Variants in STAT4 observed in about 807,000 individuals in gnomAD.
The protein encoded by STAT4 is signal transducer and activator of transcription 4.
Under a neutral mutation model 110.5 loss-of-function variants are expected in STAT4, and 42 were observed. That is an observed-to-expected ratio of 0.38 (90% CI 0.30 to 0.49). STAT4 has a LOEUF of 0.49. STAT4 is among the 20% of genes least tolerant of loss of function. The pLI, the probability that STAT4 is intolerant of heterozygous loss-of-function variation, is 0.95. For missense variants in STAT4, 632 were observed against 887.9 expected (o/e 0.71, Z 3.66); for synonymous variants, 284 against 302.2 (o/e 0.94, Z 0.63).
In STAT4 at chr2:191,066,201, A is replaced by G. The variant is rs149379362; in HGVS notation, c.630+229T>C. Among the ~76,000 whole-genome samples, 1,701 of 152,352 alleles carry G rather than the reference A, an allele frequency of 0.011. 76 individuals are homozygous for G. Among genetic ancestry groups the G allele is most frequent in the Admixed American group, 0.085 (1,299 of 15,292 alleles). On this transcript the variant is annotated intron_variant, in intron 7 of 23. Transcript: ENST00000392320. This position sits in a 1 kb window ranked among gnomAD's most constrained non-coding sequence, Gnocchi z 4.3. Reference sequence around the variant, plus strand: ...CCACCTTGAAATTAATGTTAGCTACAGTAAATGTATCACATAAGCAAGATA... The same window carrying G: ...CCACCTTGAAATTAATGTTAGCTACGGTAAATGTATCACATAAGCAAGATA...
chr2:191,043,796 A>G lies in STAT4; in HGVS notation c.1252-2648T>C, dbSNP rs1194235263. 6.6e-6 allele frequency among the ~76,000 whole-genome samples: 1 copy of G among 152,230 alleles called. No homozygotes were observed. The highest frequency in any genetic ancestry group is 1.5e-5 in the Non-Finnish European group (1 of 68,038). On this transcript the variant is annotated intron_variant, in intron 14 of 23. Coordinates refer to ENST00000392320, the MANE Select transcript of STAT4 (RefSeq NM_003151.4). This position sits in a 1 kb window ranked among gnomAD's most constrained non-coding sequence, Gnocchi z 4.8. ...CACAGCAACATGAATCAACGTAGGA[A>G]TGAGTCTCAGAAAATATTTTGTTGA...
At chr2:191,069,486 T>C (rs1336079956) in intron 6 of STAT4, among the ~76,000 whole-genome samples, 1 of 152,068 alleles carries the variant, frequency 6.6e-6, no homozygotes, top group African/African-American at 2.4e-5. Context: ...TGGTTGGATA[T>C]AGATGGGTAC....
At chr2:191,125,368 T>TG (rs967688403) in intron 3 of STAT4, among the ~76,000 whole-genome samples, 3 of 152,128 alleles carry the variant, frequency 2.0e-5, no homozygotes, top group Non-Finnish European at 4.4e-5. Flanking sequence ...AAAAGCCCAC[T>TG]GGAGGTGAGA....
intron 18 of STAT4, 51 bp from the exon 19 acceptor site, chr2:191,034,056 T>A (rs1236960277): frequency 8.1e-7 from 1 of 1,234,868 alleles, no homozygotes; most frequent in Non-Finnish European, 1.2e-6. Context: ...AGTAATAATG[T>A]TGATATAATA....
chr2:191,120,043 G>A (rs1445708685), intron 3 of STAT4, among the ~76,000 whole-genome samples: 1 of 152,032 alleles, frequency 6.6e-6, no homozygotes, highest in African/African-American at 2.4e-5. Flanking sequence ...GATATAAAAG[G>A]CATCCAATGG....
chr2:191,090,164 G>C lies in STAT4; in HGVS notation c.274-13839C>G, dbSNP rs1697751241. On this transcript the variant is annotated intron_variant, in intron 3 of 23. Transcript: ENST00000392320. This position sits in a 1 kb window ranked among gnomAD's most constrained non-coding sequence, Gnocchi z 4.2. ...GGGGTGTGAGAAGGAGACTAAGGGA[G>C]TATATGGGAAAGTATTCTCTGTACT... Among the ~76,000 whole-genome samples the C allele has an allele frequency of 6.6e-6, 1 of 152,068 alleles. No individual in the cohort carries two copies. The highest frequency in any genetic ancestry group is 2.4e-5 in the African/African-American group (1 of 41,430).
intron 3 of STAT4, among the ~76,000 whole-genome samples, chr2:191,079,835 C>T (rs1290637484): frequency 1.3e-5 from 2 of 151,960 alleles, no homozygotes; most frequent in Non-Finnish European, 2.9e-5. Flanking sequence ...TTTGTTGAGA[C>T]TTGTTTTATG....
intron 3 of STAT4, among the ~76,000 whole-genome samples, chr2:191,125,476 T>TTATTATTATTATTATTATTATTATTA: frequency 7.2e-6 from 1 of 138,002 alleles, no homozygotes; most frequent in South Asian, 2.5e-4. Context: ...ATCCTCATTA[T>TTATTATTATTATTATTATTATTATTA]TTATTATTAT....
Position 191,051,043 on chromosome 2 carries a change from GGT to G in STAT4, c.1251+3445_1251+3446del, listed in dbSNP as rs1277266276. Among the ~76,000 whole-genome samples, 4 of 152,106 alleles carry G rather than the reference GGT, an allele frequency of 2.6e-5. No homozygotes were observed. In the East Asian group the frequency reaches 7.7e-4, roughly 29 times the overall value. ...ACCCAAAATTGTGTGTGTGCGTGTG[GGT>G]GTGTGTGTGATGGAGGTGAAGAGCA... On this transcript the variant is annotated intron_variant, in intron 14 of 23. Transcript: ENST00000392320. This position sits in a 1 kb window ranked among gnomAD's most constrained non-coding sequence, Gnocchi z 5.6.
At position 191,046,788 on chromosome 2, in the gene STAT4, T is replaced by C. The variant is rs1214726343; in HGVS notation, c.1252-5640A>G. Among the ~76,000 whole-genome samples the C allele has an allele frequency of 6.6e-6, 1 of 152,218 alleles. No homozygotes were observed. Among genetic ancestry groups the C allele is most frequent in the East Asian group, 1.9e-4 (1 of 5,200 alleles). ...TCTTCTGTTCTAAAAATTTGGTCTT[T>C]GATCCTGGTTCCTGACACGGGTTCC... is the stretch of plus-strand genomic sequence containing the variant. On this transcript the variant is annotated intron_variant, in intron 14 of 23. Transcript: ENST00000392320. This position sits in a 1 kb window ranked among gnomAD's most constrained non-coding sequence, Gnocchi z 4.6.
chr2:191,141,090 T>C (rs552142787), intron 3 of STAT4, among the ~76,000 whole-genome samples: 2 of 149,846 alleles, frequency 1.3e-5, no homozygotes, highest in Admixed American at 1.3e-4. Flanking sequence ...TGGGGGAAGG[T>C]TGGGAGCGGG....
At position 191,033,529 on chromosome 2, in the gene STAT4, C is replaced by T. The variant is rs771192197; in HGVS notation, c.1813G>A (p.Gly605Arg). 1.9e-6 allele frequency: 3 copies of T among 1,614,058 alleles called. No individual in the cohort carries two copies. The highest frequency in any genetic ancestry group is 2.5e-6 in the Non-Finnish European group (3 of 1,180,022). ...TCCACCCAGGTGAAAGTTATTCCTC[C>T]GAGATGGCTTTCACTGAATCTTAAT... The part of the protein sequence containing the change: ...FLLRFSESHL[G>R]GITFTWVDHS... Residue 605 changes from glycine to arginine, a missense_variant, in exon 20 of 24, where the codon GGA becomes AGA. Coordinates refer to ENST00000392320, the MANE Select transcript of STAT4 (RefSeq NM_003151.4). This position sits in a 1 kb window ranked among gnomAD's most constrained non-coding sequence, Gnocchi z 6.9.
rs536173960 is a variant in STAT4, at chr2:191,078,771, T to C, written c.274-2446A>G. 1.4e-4 allele frequency among the ~76,000 whole-genome samples: 22 copies of C among 152,284 alleles called. No homozygotes were observed. In the South Asian group the frequency reaches 3.9e-3, roughly 27 times the overall value. On this transcript the variant is annotated intron_variant, in intron 3 of 23. Coordinates refer to ENST00000392320, the MANE Select transcript of STAT4 (RefSeq NM_003151.4). ...TTTATTGCAAATACCTTCTACTCTA[T>C]GGCTTATCTTTTTCCTATCTTCTAG...
At chr2:191,094,656 T>C (rs986721791) in intron 3 of STAT4, among the ~76,000 whole-genome samples, 5 of 152,104 alleles carry the variant, frequency 3.3e-5, no homozygotes, top group African/African-American at 9.7e-5. Flanking sequence ...GTGAAGACCA[T>C]TGATGCTAGG....
chr2:191,134,394 C>T (rs1369773089), intron 3 of STAT4, among the ~76,000 whole-genome samples: 1 of 152,168 alleles, frequency 6.6e-6, no homozygotes, highest in African/African-American at 2.4e-5. Flanking sequence ...ATTTGGCCCA[C>T]CTGGACTTGC....
intron 3 of STAT4, among the ~76,000 whole-genome samples, chr2:191,121,374 A>G (rs924254096): frequency 3.9e-5 from 6 of 152,202 alleles, no homozygotes; most frequent in African/African-American, 1.2e-4. Context: ...CAATTCCTCA[A>G]GGATCTAGAA....
At chr2:191,094,242 C>T (rs1386319834) in intron 3 of STAT4, among the ~76,000 whole-genome samples, 1 of 152,128 alleles carries the variant, frequency 6.6e-6, no homozygotes, top group Non-Finnish European at 1.5e-5. Flanking sequence ...CAGAGAACGC[C>T]ACAAAGATAC....
intron 3 of STAT4, among the ~76,000 whole-genome samples, chr2:191,079,750 C>CT (rs946591546): frequency 3.0e-4 from 45 of 151,646 alleles, no homozygotes; most frequent in Admixed American, 1.7e-3. Context: ...TTCTATTTAT[C>CT]TTTTTTTTAC....
In STAT4 at chr2:191,135,337, AGATT is replaced by A. The variant is rs1374363654; in HGVS notation, c.273+11272_273+11275del. The stretch of plus-strand genomic sequence containing the variant: ...ATTCCTGGACTCATGCAACCTAGCA[AGATT>A]GAATCAGGAAAAAAGCCCAAAAAGA... On this transcript the variant is annotated intron_variant, in intron 3 of 23. Coordinates refer to ENST00000392320, the MANE Select transcript of STAT4 (RefSeq NM_003151.4). The surrounding 1 kb of genome is among the most constrained non-coding windows in gnomAD (Gnocchi z 4.8). 5.9e-5 allele frequency among the ~76,000 whole-genome samples: 9 copies of A among 152,358 alleles called. No homozygotes were observed. The East Asian group carries it at 1.7e-3, about 29-fold the overall frequency.
Sources: gnomAD v4.1 joint callset for allele counts (sites outside exome capture counted in the v4.1 genomes callset) on GRCh38, gnomAD v4.1.1 for gene constraint, Gnocchi (gnomAD v3.1) non-coding constraint, MANE v1.5 for transcripts, NCBI Gene and HGNC (gene_info 2026-07-23, HGNC 2026-07-21) for gene names.